Variants in HYDIN observed in about 807,000 individuals in gnomAD.
HYDIN encodes axonemal central pair apparatus protein HYDIN.
Under a neutral mutation model 403.9 loss-of-function variants are expected in HYDIN, and 132 were observed. The ratio of observed to expected loss-of-function variants is 0.33; its 90% confidence interval spans 0.28 to 0.38. HYDIN has a LOEUF of 0.38. Ranked by LOEUF, HYDIN falls within the 10% of genes least tolerant of loss-of-function variation. The pLI is 1.00. For synonymous variants in HYDIN, 1,202 were observed against 1,891.7 expected (o/e 0.64, Z 9.46); for missense variants, 2,827 against 5,009.5 (o/e 0.56, Z 13.15).
intron 41 of HYDIN, among the ~76,000 whole-genome samples, chr16:70,947,995 C>T (rs113870844): frequency 0.23 from 35,147 of 150,672 alleles, 5,135 homozygotes; most frequent in Non-Finnish European, 0.34. Flanking sequence ...GCCCGCATCG[C>T]CAAGGCAATC....
intron 18 of HYDIN, among the ~76,000 whole-genome samples, chr16:71,033,195 A>G (rs968204690): frequency 7.2e-5 from 11 of 152,180 alleles, no homozygotes; most frequent in African/African-American, 2.7e-4. Context: ...TGGAATTCAT[A>G]AGGAGGCCAG....
At chr16:70,840,797 C>T (rs1173620974) in intron 75 of HYDIN, among the ~76,000 whole-genome samples, 17 of 151,468 alleles carry the variant, frequency 1.1e-4, no homozygotes, top group Admixed American at 1.1e-3. Flanking sequence ...CAGGAGATGA[C>T]AAGAAGGAGA....
chr16:71,208,937 C>A lies in HYDIN; in HGVS notation c.-24+21625G>T, dbSNP rs144203897. The stretch of plus-strand genomic sequence containing the variant: ...GAACCAAAGAAAGCCCAGGACCAGA[C>A]AGATTCACAGCCAAATTCTGCCAGA... On this transcript the variant is annotated intron_variant, in intron 1 of 85. Transcript: ENST00000393567. 2.9e-3 allele frequency among the ~76,000 whole-genome samples: 438 copies of A among 152,176 alleles called. 2 individuals are homozygous for A. Among genetic ancestry groups the A allele is most frequent in the African/African-American group, 9.9e-3 (413 of 41,516 alleles).
intron 83 of HYDIN, among the ~76,000 whole-genome samples, chr16:70,820,758 C>T (rs1290183860): frequency 1.3e-5 from 2 of 151,674 alleles, no homozygotes; most frequent in Non-Finnish European, 2.9e-5. Flanking sequence ...AAGTGACTCT[C>T]CAGCCTCAGC....
chr16:71,014,550 G>A (rs957482676), intron 23 of HYDIN, among the ~76,000 whole-genome samples: 4 of 151,602 alleles, frequency 2.6e-5, no homozygotes, highest in African/African-American at 7.3e-5. Context: ...GACAGTGACT[G>A]ATGAGGAGTG....
intron 24 of HYDIN, among the ~76,000 whole-genome samples, chr16:70,991,823 C>A (rs1172967492): frequency 6.6e-6 from 1 of 151,946 alleles, no homozygotes; most frequent in Non-Finnish European, 1.5e-5. Flanking sequence ...TGGACCCAAT[C>A]CTGACTGTAG....
At chr16:70,848,849 CT>C (rs1176216733) in intron 75 of HYDIN, among the ~76,000 whole-genome samples, 1 of 123,924 alleles carries the variant, frequency 8.1e-6, no homozygotes, top group Non-Finnish European at 1.7e-5. Context: ...AGGGAATATG[CT>C]GAAGCTTTTC....
chr16:71,215,904 A>C (rs1170522254), intron 1 of HYDIN, among the ~76,000 whole-genome samples: 1 of 152,178 alleles, frequency 6.6e-6, no homozygotes, highest in East Asian at 1.9e-4. Context: ...AAACAGGGAA[A>C]TGTAATTAAA....
chr16:70,905,066 C>T (rs1631414), intron 50 of HYDIN, among the ~76,000 whole-genome samples: 11 of 150,792 alleles, frequency 7.3e-5, no homozygotes, highest in Admixed American at 4.6e-4. Flanking sequence ...TCAGAGGTCA[C>T]GGCACAGGCT....
chr16:70,938,881 A>G (rs1615602), intron 43 of HYDIN, 126 bp from the exon 44 acceptor site: 400,970 of 672,946 alleles, frequency 0.6, 131,253 homozygotes, highest in Non-Finnish European at 0.68. Context: ...CTCATCCCTG[A>G]TTGCAGGGGT....
chr16:70,956,586 G>C (rs979394811), intron 39 of HYDIN, among the ~76,000 whole-genome samples: 1 of 152,130 alleles, frequency 6.6e-6, no homozygotes, highest in Admixed American at 6.5e-5. Context: ...GTTGGAGTCA[G>C]AGCAGGTCAA....
chr16:70,866,842 T>G (rs531971380), intron 66 of HYDIN, among the ~76,000 whole-genome samples: 2 of 151,842 alleles, frequency 1.3e-5, no homozygotes, highest in Admixed American at 1.3e-4. Context: ...CTGGCCAACA[T>G]GGTGAAACCC....
rs1299684481 is a variant in HYDIN at position 71,230,530 on chromosome 16, T to TG, written c.-24+31_-24+32insC. ...GGTTAGCCCCCATGTCCCTCACACT[T>TG]TGACCCCACAATCTCTGCGAGGACC... is the stretch of plus-strand genomic sequence containing the variant. On this transcript the variant is annotated intron_variant, in intron 1 of 85. Transcript: ENST00000393567. 280 of 1,516,362 alleles carry TG rather than the reference T, an allele frequency of 1.8e-4. 3 individuals carry two copies. In the East Asian group the frequency reaches 6.9e-3, roughly 37 times the overall value. The allele number at this position is 1,516,362 out of a possible 1,614,324, so 93.9% of individuals were successfully genotyped here.
At chr16:71,196,698 C>A (rs1437545991) in intron 1 of HYDIN, among the ~76,000 whole-genome samples, 7 of 152,146 alleles carry the variant, frequency 4.6e-5, no homozygotes, top group Non-Finnish European at 1.0e-4. Context: ...GCACAAGATA[C>A]AGGTCATAAA....
intron 44 of HYDIN, among the ~76,000 whole-genome samples, chr16:70,936,472 G>T (rs2077495884): frequency 8.0e-6 from 1 of 124,742 alleles, no homozygotes; most frequent in African/African-American, 2.5e-5. Flanking sequence ...TTCAAAGATT[G>T]TTCTGGTATT....
chr16:71,049,207 C>T (rs543544877), intron 18 of HYDIN, among the ~76,000 whole-genome samples: 35 of 152,324 alleles, frequency 2.3e-4, no homozygotes, highest in South Asian at 2.1e-4. Context: ...AAAACAGGAA[C>T]GAAAATGATC....
intron 27 of HYDIN, among the ~76,000 whole-genome samples, chr16:70,987,258 C>T (rs1465561191): frequency 3.3e-5 from 5 of 152,162 alleles, no homozygotes; most frequent in South Asian, 2.1e-4. Flanking sequence ...GAAGTAAAAC[C>T]GGAATACGAA....
intron 76 of HYDIN, among the ~76,000 whole-genome samples, chr16:70,838,559 T>G (rs142014625): frequency 0.034 from 5,104 of 152,146 alleles, 128 homozygotes; most frequent in Non-Finnish European, 0.049. Context: ...AAGAAGGAAG[T>G]GCTTCCAGAA....
chr16:71,124,153 G>C (rs1403811084), intron 9 of HYDIN, among the ~76,000 whole-genome samples: 1 of 151,452 alleles, frequency 6.6e-6, no homozygotes, highest in Non-Finnish European at 1.5e-5. Flanking sequence ...ACTGTGCAGT[G>C]ACATCAATGC....
Sources: allele counts gnomAD v4.1 joint callset (sites outside exome capture counted in the v4.1 genomes callset), GRCh38; gene constraint gnomAD v4.1.1; transcripts MANE v1.5; gene names NCBI Gene and HGNC (gene_info 2026-07-23, HGNC 2026-07-21).